C4orf50: variants seen among roughly 807,000 people sequenced by gnomAD.
C4orf50 encodes uncharacterized protein C4orf50.
Under a neutral mutation model 77.2 loss-of-function variants are expected in C4orf50, and 80 were observed. That is an observed-to-expected ratio of 1.04 (90% confidence interval 0.87 to 1.25). The LOEUF (loss-of-function observed/expected upper bound fraction) is 1.25, where lower values mean the gene tolerates loss of function less well. Among genes scored for constraint, C4orf50 ranks in the 50% most tolerant of loss-of-function variants. The pLI is 0.00. For synonymous variants in C4orf50, 532 were observed against 465.3 expected (o/e 1.14, Z -1.84); for missense variants, 1,257 against 1,152.9 (o/e 1.09, Z -1.31).
At chr4:5,931,395 A>G (rs74748012) in intron 7 of C4orf50, among the ~76,000 whole-genome samples, 12,117 of 152,262 alleles carry the variant, frequency 0.08, 505 homozygotes, top group Non-Finnish European at 0.091. Context: ...ACAGAGTTTT[A>G]TGGTTTGCAA....
At chr4:6,006,652 C>A (rs887066036) in intron 25 of C4orf50, among the ~76,000 whole-genome samples, 1 of 152,212 alleles carries the variant, frequency 6.6e-6, no homozygotes, top group Non-Finnish European at 1.5e-5. Context: ...CTTTTACCCT[C>A]CCCTCAATCA....
intron 7 of C4orf50, among the ~76,000 whole-genome samples, chr4:5,941,727 C>A (rs1259468108): frequency 6.6e-6 from 1 of 152,172 alleles, no homozygotes; most frequent in African/African-American, 2.4e-5. Flanking sequence ...TCACTGCAGC[C>A]TTGTCCCCAT....
intron 7 of C4orf50, among the ~76,000 whole-genome samples, chr4:5,943,773 T>C (rs552964233): frequency 4.6e-4 from 70 of 152,338 alleles, no homozygotes; most frequent in African/African-American, 1.6e-3. Flanking sequence ...TACTCCCTTA[T>C]CAGCTCCAGA....
intron 29 of C4orf50, among the ~76,000 whole-genome samples, chr4:5,979,239 A>G (rs1258275375): frequency 6.6e-6 from 1 of 152,224 alleles, no homozygotes; most frequent in Non-Finnish European, 1.5e-5. Flanking sequence ...GAGAAATAAA[A>G]ATGTTCATTG....
intron 23 of C4orf50, among the ~76,000 whole-genome samples, chr4:6,016,047 T>C (rs1722673197): frequency 6.6e-6 from 1 of 152,240 alleles, no homozygotes; most frequent in Admixed American, 6.5e-5. Context: ...CCTGTGACCC[T>C]GAACTGGAAC....
intron 28 of C4orf50, among the ~76,000 whole-genome samples, chr4:5,984,740 T>A (rs1720770655): frequency 6.6e-6 from 1 of 151,960 alleles, no homozygotes; most frequent in Non-Finnish European, 1.5e-5. Flanking sequence ...AGTCTGAATT[T>A]CTAGAAGGAG....
At position 5,992,938 on chromosome 4, in the gene C4orf50, G is replaced by A. The variant is rs1338482285; in HGVS notation, c.1094-8C>T. 1 of 398,930 alleles carries A rather than the reference G, an allele frequency of 2.5e-6. No individual in the cohort carries two copies. Among genetic ancestry groups the A allele is most frequent in the East Asian group, 3.6e-5 (1 of 28,070 alleles). The allele number at this position is 398,930 out of a possible 1,614,324, so 24.7% of individuals were successfully genotyped here. A position where few individuals can be genotyped will look rare whatever the true frequency, so the allele number is the denominator to read the frequency against. On this transcript the variant is annotated splice_polypyrimidine_tract_variant and splice_region_variant and intron_variant, in intron 26 of 33. Transcript: ENST00000531445. This position sits in a 1 kb window ranked among gnomAD's most constrained non-coding sequence, Gnocchi z 5.0. Reference sequence around the variant, plus strand: ...GCCCCTCTGGGGACTGGCCTGGAAAGCAACAAGACCCTGGGGGTTACAAAG... The same window carrying A: ...GCCCCTCTGGGGACTGGCCTGGAAAACAACAAGACCCTGGGGGTTACAAAG...
Position 5,992,915 on chromosome 4 carries a change from C to A in C4orf50, c.1109G>T (p.Gly370Val), listed in dbSNP as rs1338778412. 1 of 398,960 alleles carries A rather than the reference C, an allele frequency of 2.5e-6. No homozygotes were observed. Among genetic ancestry groups the A allele is most frequent in the Admixed American group, 4.4e-5 (1 of 22,718 alleles). The allele number at this position is 398,960 out of a possible 1,614,324, so 24.7% of individuals were successfully genotyped here. Residue 370 changes from glycine (G) to valine (V), a missense_variant, in exon 27 of 34, where the codon GGG becomes GTG. Physicochemically the swap from Gly to Val is moderately radical, Grantham distance 109 (BLOSUM62 -3). Coordinates refer to ENST00000531445, the Ensembl canonical transcript of C4orf50. The surrounding 1 kb of genome is among the most constrained non-coding windows in gnomAD (Gnocchi z 5.0). ...CCTGATGCGGCTCCAGGTGCAGGGC[C>A]CCTCTGGGGACTGGCCTGGAAAGCA...
At chr4:5,965,369 A>ACTGC (rs1025304846) in intron 32 of C4orf50, among the ~76,000 whole-genome samples, 18 of 152,148 alleles carry the variant, frequency 1.2e-4, no homozygotes, top group African/African-American at 3.9e-4. Flanking sequence ...ATCCCAGAAA[A>ACTGC]CTGCCTGCCT....
intron 7 of C4orf50, among the ~76,000 whole-genome samples, chr4:5,907,302 TC>T (rs758551795): frequency 6.6e-6 from 1 of 152,154 alleles, no homozygotes; most frequent in Non-Finnish European, 1.5e-5. Context: ...CAGGGTCACT[TC>T]CAAAATCCAT....
In C4orf50 at chr4:5,919,070, C is replaced by T. The variant is rs1319237187; in HGVS notation, c.*2475-20882G>A. Among the ~76,000 whole-genome samples the T allele has an allele frequency of 6.6e-6, 1 of 152,164 alleles. No homozygotes were observed. The highest frequency in any genetic ancestry group is 1.5e-5 in the Non-Finnish European group (1 of 68,022). On this transcript the variant is annotated intron_variant, in intron 7 of 7. Transcript: ENST00000324058. This position sits in a 1 kb window ranked among gnomAD's most constrained non-coding sequence, Gnocchi z 6.5. ...CTCAAGAGAACTTGCTGCTATGGCT[C>T]CTGGTTGGGACAGACGTGGCTCCCT... is the stretch of plus-strand genomic sequence containing the variant.
rs1259369016 is a variant in C4orf50, at chr4:5,988,218, C to T, written c.3699+129G>A. 2.4e-6 allele frequency: 3 copies of T among 1,240,330 alleles called. No individual in the cohort carries two copies. In the East Asian group the frequency reaches 7.1e-5, roughly 29 times the overall value. The allele number at this position is 1,240,330 out of a possible 1,614,324, so 76.8% of individuals were successfully genotyped here. On this transcript the variant is annotated intron_variant, in intron 28 of 33. Coordinates refer to ENST00000531445, the Ensembl canonical transcript of C4orf50. ...TCTGTTTTCTTTGTACCAACCTCCT[C>T]TCATCTGGTAAGTGGGGAGGATGAT...
At chr4:5,959,828 C>A (rs142066362) in intron 33 of C4orf50, among the ~76,000 whole-genome samples, 3 of 152,216 alleles carry the variant, frequency 2.0e-5, no homozygotes, top group Admixed American at 1.3e-4. Flanking sequence ...GTCATCACTG[C>A]GTTCTGGGTC....
intron 33 of C4orf50, 39 bp downstream of exon 11, chr4:5,964,985 A>G (rs1467180718): frequency 6.3e-7 from 1 of 1,595,658 alleles, no homozygotes; most frequent in Admixed American, 1.7e-5. Flanking sequence ...TTCAATAACA[A>G]AGTTCATTTA....
intron 23 of C4orf50, among the ~76,000 whole-genome samples, chr4:6,012,305 G>T (rs1262902646): frequency 6.6e-6 from 1 of 152,080 alleles, no homozygotes; most frequent in East Asian, 1.9e-4. Context: ...TGGTTTCAAT[G>T]AATCCTCACA....
rs1439786031 is a variant in C4orf50 at position 6,008,870 on chromosome 4, C to T, written c.427-338G>A. Among the ~76,000 whole-genome samples, 3 of 152,122 alleles carry T rather than the reference C, an allele frequency of 2.0e-5. No individual in the cohort carries two copies. The highest frequency in any genetic ancestry group is 1.9e-4 in the East Asian group (1 of 5,168). On this transcript the variant is annotated intron_variant, in intron 24 of 33. Coordinates refer to ENST00000531445, the Ensembl canonical transcript of C4orf50. This position sits in a 1 kb window ranked among gnomAD's most constrained non-coding sequence, Gnocchi z 6.0. The stretch of plus-strand genomic sequence containing the variant: ...GCTGGAGATGTCCGGATACTGAATA[C>T]GTCCGCACCTGAGTGCACACAGCTG...
At position 6,007,188 on chromosome 4, in the gene C4orf50, G is replaced by C. The variant is rs1467755341; in HGVS notation, c.963+808C>G. Among the ~76,000 whole-genome samples the C allele has an allele frequency of 6.6e-6, 1 of 152,196 alleles. No homozygotes were observed. The highest frequency in any genetic ancestry group is 1.5e-5 in the Non-Finnish European group (1 of 68,040). On this transcript the variant is annotated intron_variant, in intron 25 of 33. Coordinates refer to ENST00000531445, the Ensembl canonical transcript of C4orf50. This position sits in a 1 kb window ranked among gnomAD's most constrained non-coding sequence, Gnocchi z 4.1. ...GATGAACACATGGTGTGGTGAATGA[G>C]AAGATAATGGAACGTGGCTAGACAA...
chr4:6,016,960 G>A lies in C4orf50; in HGVS notation c.287+1185C>T, dbSNP rs1480229582. 7.9e-5 allele frequency among the ~76,000 whole-genome samples: 12 copies of A among 152,160 alleles called. No homozygotes were observed. In the South Asian group the frequency reaches 1.2e-3, roughly 16 times the overall value. On this transcript the variant is annotated intron_variant, in intron 23 of 33. Coordinates refer to ENST00000531445, the Ensembl canonical transcript of C4orf50. ...GAGTAACGTGTCAGAATCAATCCCC[G>A]CTGTCACTGCATTGTGCTTCCATGC... is the stretch of plus-strand genomic sequence containing the variant.
intron 25 of C4orf50, among the ~76,000 whole-genome samples, chr4:5,994,936 T>G (rs1378642592): frequency 6.6e-6 from 1 of 152,218 alleles, no homozygotes; most frequent in Admixed American, 6.5e-5. Flanking sequence ...AACCCTATTG[T>G]GAACTGCGTA....
Sources: allele counts gnomAD v4.1 joint callset (sites outside exome capture counted in the v4.1 genomes callset), GRCh38; gene constraint gnomAD v4.1.1; non-coding constraint Gnocchi (gnomAD v3.1); transcripts MANE v1.5; gene names NCBI Gene and HGNC (gene_info 2026-07-23, HGNC 2026-07-21).